The following ZNF469 variants were observed in gnomAD, a reference collection of about 807,000 sequenced individuals.
ZNF469 encodes zinc finger protein 469.
Under a neutral mutation model 1.0 loss-of-function variants are expected in ZNF469, and 1 was observed. The observed-to-expected ratio is 1.00, with a 90% CI of 0.35 to 4.73. The LOEUF (loss-of-function observed/expected upper bound fraction) is 4.73, where lower values mean the gene tolerates loss of function less well. Ranked by LOEUF, ZNF469 falls within the 30% of genes most tolerant of loss-of-function variation. The probability of loss-of-function intolerance (pLI) is 0.16; values close to 1 mark genes in which losing one functional copy is unlikely to be tolerated. For synonymous variants in ZNF469, 2,703 were observed against 2,363.4 expected, an observed-to-expected ratio of 1.14 and a Z score of -4.17; for missense variants, 6,100 against 5,356.3, an observed-to-expected ratio of 1.14 and a Z score of -4.33.
At chr16:88,229,805 C>T in the ZNF469 span, among the ~76,000 whole-genome samples, 685 of 152,296 alleles carry the variant, frequency 4.5e-3, 2 homozygotes, top group Non-Finnish European at 7.6e-3. Context: ...TGCACACCTC[C>T]TCCTCCACTC....
At chr16:88,397,639 G>T (rs74426081) in intron 1 of ZNF469, among the ~76,000 whole-genome samples, 30,742 of 129,620 alleles carry the variant, frequency 0.24, 3,561 homozygotes, top group African/African-American at 0.35. Flanking sequence ...ATGGATGGAT[G>T]GATGGATATA....
the ZNF469 span, among the ~76,000 whole-genome samples, chr16:88,226,541 G>A: frequency 2.9e-4 from 44 of 152,212 alleles, no homozygotes; most frequent in South Asian, 8.5e-3. Flanking sequence ...TGGGAGAGAG[G>A]AGTTCCTGAA....
the ZNF469 span, among the ~76,000 whole-genome samples, chr16:88,139,947 A>G: frequency 6.6e-6 from 1 of 152,218 alleles, no homozygotes; most frequent in East Asian, 1.9e-4. Context: ...AACAGCATCA[A>G]CAACAAAAGA....
the ZNF469 span, among the ~76,000 whole-genome samples, chr16:88,346,199 C>T: frequency 7.2e-5 from 11 of 152,368 alleles, no homozygotes; most frequent in Admixed American, 2.0e-4. Flanking sequence ...GCCCGATTCT[C>T]CAGTGGTTTC....
At chr16:88,292,604 G>A in the ZNF469 span, among the ~76,000 whole-genome samples, 1 of 152,056 alleles carries the variant, frequency 6.6e-6, no homozygotes, top group Non-Finnish European at 1.5e-5. Flanking sequence ...TGGGTGGGCT[G>A]GAATTTGGAG....
chr16:88,189,334 G>T, the ZNF469 span, among the ~76,000 whole-genome samples: 3 of 152,146 alleles, frequency 2.0e-5, no homozygotes, highest in Non-Finnish European at 4.4e-5. The surrounding 1 kb of genome is among the most constrained non-coding windows in gnomAD (Gnocchi z 4.3). Context: ...TCTGATGGGG[G>T]TATGTGATGG....
At chr16:88,128,838 C>G in the ZNF469 span, among the ~76,000 whole-genome samples, 5,716 of 152,290 alleles carry the variant, frequency 0.038, 358 homozygotes, top group African/African-American at 0.13. Context: ...CCGGGAGGAT[C>G]TGACAGGCAG....
At chr16:88,299,043 G>C in the ZNF469 span, among the ~76,000 whole-genome samples, 1 of 152,110 alleles carries the variant, frequency 6.6e-6, no homozygotes, top group Non-Finnish European at 1.5e-5. Flanking sequence ...ATGAGTGTAG[G>C]GTGGAGGTCA....
At chr16:88,260,329 G>A in the ZNF469 span, among the ~76,000 whole-genome samples, 2 of 152,188 alleles carry the variant, frequency 1.3e-5, no homozygotes, top group African/African-American at 2.4e-5. The surrounding 1 kb of genome is among the most constrained non-coding windows in gnomAD (Gnocchi z 4.1). Context: ...ATGAGGGAAC[G>A]AGTGTTTCCA....
At chr16:88,117,692 C>T in the ZNF469 span, among the ~76,000 whole-genome samples, 1 of 152,126 alleles carries the variant, frequency 6.6e-6, no homozygotes, top group South Asian at 2.1e-4. Flanking sequence ...CTTCGGGGAC[C>T]GTGGAAGAGG....
chr16:88,170,292 G>T, the ZNF469 span, among the ~76,000 whole-genome samples: 1 of 152,174 alleles, frequency 6.6e-6, no homozygotes, highest in Admixed American at 6.5e-5. The surrounding 1 kb of genome is among the most constrained non-coding windows in gnomAD (Gnocchi z 4.2). Flanking sequence ...CTTTGTGTGT[G>T]ATGAGAATGC....
chr16:88,411,093 C>T (rs1220469510), intron 1 of ZNF469, among the ~76,000 whole-genome samples: 2 of 152,200 alleles, frequency 1.3e-5, no homozygotes, highest in African/African-American at 4.8e-5. Context: ...CTTAGCTAAT[C>T]GCATCTGCAA....
the ZNF469 span, among the ~76,000 whole-genome samples, chr16:88,114,609 C>T: frequency 9.2e-5 from 14 of 152,226 alleles, no homozygotes; most frequent in Non-Finnish European, 2.9e-5. Context: ...GGTTCTGGTA[C>T]TGCATTCTCC....
the ZNF469 span, among the ~76,000 whole-genome samples, chr16:88,277,718 G>C: frequency 1.3e-5 from 1 of 78,632 alleles, no homozygotes; most frequent in Non-Finnish European, 2.7e-5. Flanking sequence ...ACTGACGCTT[G>C]GTCAGTACCA....
chr16:88,291,748 G>A, the ZNF469 span, among the ~76,000 whole-genome samples: 15,076 of 152,048 alleles, frequency 0.099, 795 homozygotes, highest in Middle Eastern at 0.14. Context: ...GAAAGGAAAT[G>A]GAGCCGCCAT....
At chr16:88,175,222 T>C in the ZNF469 span, among the ~76,000 whole-genome samples, 4 of 152,148 alleles carry the variant, frequency 2.6e-5, no homozygotes, top group African/African-American at 7.2e-5. Context: ...TAGATTTAGA[T>C]TGGGTAACTG....
the ZNF469 span, among the ~76,000 whole-genome samples, chr16:88,212,294 C>G: frequency 1.3e-5 from 2 of 152,258 alleles, no homozygotes; most frequent in Admixed American, 6.5e-5. Context: ...TCTTCTATCT[C>G]TGAGAGTTCT....
intron 1 of ZNF469, among the ~76,000 whole-genome samples, chr16:88,394,736 T>C (rs8047445): frequency 0.92 from 140,450 of 152,308 alleles, 64,923 homozygotes; most frequent in East Asian, 1. Flanking sequence ...AAAGGTGCAG[T>C]GCCTGAGGGA....
the ZNF469 span, among the ~76,000 whole-genome samples, chr16:88,333,577 C>T: frequency 6.6e-6 from 1 of 151,776 alleles, no homozygotes; most frequent in East Asian, 2.0e-4. Context: ...GAGGGGCCCA[C>T]GGGTGACTGA....
Sources: gnomAD v4.1 joint callset for allele counts (sites outside exome capture counted in the v4.1 genomes callset) on GRCh38, gnomAD v4.1.1 for gene constraint, Gnocchi (gnomAD v3.1) non-coding constraint, MANE v1.5 for transcripts, NCBI Gene and HGNC (gene_info 2026-07-23, HGNC 2026-07-21) for gene names.